ATRNL1: variants seen among roughly 807,000 people sequenced by gnomAD.
ATRNL1 encodes attractin-like protein 1.
Under a neutral mutation model 182.7 loss-of-function variants are expected in ATRNL1, and 95 were observed. The observed-to-expected ratio is 0.52, with a 90% CI of 0.44 to 0.62. ATRNL1 has a LOEUF of 0.62. ATRNL1 is among the 20% of genes least tolerant of loss of function. The pLI is 0.00. For missense variants in ATRNL1, 1,471 were observed against 1,679.5 expected (o/e 0.88, Z 2.17); for synonymous variants, 576 against 568.3 (o/e 1.01, Z -0.19).
At chr10:115,284,502 A>G (rs1852514671) in intron 14 of ATRNL1, among the ~76,000 whole-genome samples, 1 of 152,208 alleles carries the variant, frequency 6.6e-6, no homozygotes, top group Admixed American at 6.5e-5. Context: ...GTCTTATTAA[A>G]TGATAATTAT....
intron 25 of ATRNL1, among the ~76,000 whole-genome samples, chr10:115,536,438 G>A (rs1554990382): frequency 6.6e-6 from 1 of 152,186 alleles, no homozygotes; most frequent in East Asian, 1.9e-4. Flanking sequence ...TAATCTCCTG[G>A]TGCGCCATTT....
chr10:115,611,580 T>A (rs1857162089), intron 26 of ATRNL1, among the ~76,000 whole-genome samples: 1 of 152,158 alleles, frequency 6.6e-6, no homozygotes, highest in South Asian at 2.1e-4. Context: ...AGTGAGGAAA[T>A]AAATATTTTT....
At chr10:115,625,598 A>G (rs2249799) in intron 26 of ATRNL1, among the ~76,000 whole-genome samples, 86,433 of 151,932 alleles carry the variant, frequency 0.57, 25,319 homozygotes, top group East Asian at 0.96. Context: ...ATAACATTCT[A>G]GAAACACCTT....
At chr10:115,944,591 C>T (rs1472412799) in intron 28 of ATRNL1, 67 bp from the exon 29 acceptor site, 3 of 1,393,118 alleles carry the variant, frequency 2.2e-6, no homozygotes, top group Non-Finnish European at 2.9e-6. Context: ...CAGGGCCCTT[C>T]ACCACCACTG....
chr10:115,636,514 T>C (rs1177905236), intron 26 of ATRNL1, among the ~76,000 whole-genome samples: 2 of 152,182 alleles, frequency 1.3e-5, no homozygotes, highest in East Asian at 3.9e-4. Flanking sequence ...GACCTACGTG[T>C]TATGTGCTAA....
chr10:115,299,908 T>A, intron 15 of ATRNL1, 126 bp from the exon 16 acceptor site: 2 of 652,974 alleles, frequency 3.1e-6, no homozygotes. Flanking sequence ...GTACTAAAAC[T>A]CATTAGAAAG....
intron 27 of ATRNL1, among the ~76,000 whole-genome samples, chr10:115,827,378 T>C (rs568878333): frequency 6.6e-6 from 1 of 152,310 alleles, no homozygotes; most frequent in South Asian, 2.1e-4. Flanking sequence ...AAAATATGCA[T>C]GATTAGTGCC....
At chr10:115,757,343 A>T (rs1295155227) in intron 27 of ATRNL1, among the ~76,000 whole-genome samples, 12 of 152,076 alleles carry the variant, frequency 7.9e-5, no homozygotes, top group African/African-American at 2.9e-4. Flanking sequence ...AGCTCTTGTA[A>T]GGTAGGCCTG....
intron 1 of ATRNL1, among the ~76,000 whole-genome samples, chr10:115,109,024 A>G (rs1844144725): frequency 6.6e-6 from 1 of 151,996 alleles, no homozygotes; most frequent in Admixed American, 6.6e-5. Context: ...TACTCTCCAC[A>G]TTTCTGCCAA....
chr10:115,407,340 T>C (rs1844879817), intron 20 of ATRNL1, among the ~76,000 whole-genome samples: 1 of 151,482 alleles, frequency 6.6e-6, no homozygotes, highest in African/African-American at 2.4e-5. Flanking sequence ...CCTATCTAGT[T>C]GTAATGTAAT....
intron 27 of ATRNL1, among the ~76,000 whole-genome samples, chr10:115,748,957 A>G (rs1371101012): frequency 6.6e-6 from 1 of 151,944 alleles, no homozygotes; most frequent in South Asian, 2.1e-4. Flanking sequence ...TCACAGTAAC[A>G]ATGAAATGTA....
At chr10:115,265,438 T>C (rs1554910317) in intron 11 of ATRNL1, among the ~76,000 whole-genome samples, 161 bp downstream of exon 11, 11 of 151,754 alleles carry the variant, frequency 7.2e-5, no homozygotes, top group Admixed American at 6.6e-4. Flanking sequence ...GTCAATCATA[T>C]CTTTTTTTCC....
intron 19 of ATRNL1, among the ~76,000 whole-genome samples, chr10:115,368,929 G>C (rs528138989): frequency 2.0e-5 from 3 of 152,030 alleles, no homozygotes; most frequent in South Asian, 2.1e-4. Flanking sequence ...GGTAAAGCTG[G>C]TCTTGAACTC....
chr10:115,215,485 A>T (rs1237375699), intron 8 of ATRNL1, among the ~76,000 whole-genome samples: 4 of 152,156 alleles, frequency 2.6e-5, no homozygotes, highest in Non-Finnish European at 5.9e-5. Flanking sequence ...GTTTAACTTC[A>T]TCTATGGAAA....
At chr10:115,604,260 ATTAGGT>A (rs1450284685) in intron 26 of ATRNL1, among the ~76,000 whole-genome samples, 1 of 152,158 alleles carries the variant, frequency 6.6e-6, no homozygotes. Context: ...GTTACTTGTG[ATTAGGT>A]TTAATTCTTT....
At chr10:115,911,873 G>A (rs1369945642) in intron 28 of ATRNL1, among the ~76,000 whole-genome samples, 2 of 152,054 alleles carry the variant, frequency 1.3e-5, no homozygotes, top group African/African-American at 2.4e-5. Context: ...GCACCATCCC[G>A]TGTTTCTCCC....
At chr10:115,851,414 C>T (rs1555100499) in intron 28 of ATRNL1, among the ~76,000 whole-genome samples, 1 of 152,050 alleles carries the variant, frequency 6.6e-6, no homozygotes, top group African/African-American at 2.4e-5. Flanking sequence ...TTTCTTTCCA[C>T]CAGCAACTGC....
chr10:115,911,798 A>G (rs1952686468), intron 28 of ATRNL1, among the ~76,000 whole-genome samples: 1 of 152,118 alleles, frequency 6.6e-6, no homozygotes, highest in South Asian at 2.1e-4. Context: ...GAAGAGCACA[A>G]GGGAGATGCT....
intron 8 of ATRNL1, among the ~76,000 whole-genome samples, chr10:115,201,704 G>T (rs1283736649): frequency 6.6e-6 from 1 of 152,004 alleles, no homozygotes; most frequent in Non-Finnish European, 1.5e-5. Context: ...GGATTGACTT[G>T]GTGATGCGGG....
Sources: gnomAD v4.1 joint callset for allele counts (sites outside exome capture counted in the v4.1 genomes callset) on GRCh38, gnomAD v4.1.1 for gene constraint, MANE v1.5 for transcripts, NCBI Gene and HGNC (gene_info 2026-07-23, HGNC 2026-07-21) for gene names.